DBT: variants seen among roughly 807,000 people sequenced by gnomAD.
DBT encodes lipoamide acyltransferase component of branched-chain alpha-keto acid dehydrogenase complex, mitochondrial.
A neutral mutation model predicts 51.3 loss-of-function variants in DBT; 40 were observed. The ratio of observed to expected loss-of-function variants is 0.78; its 90% CI spans 0.61 to 1.02. DBT has a LOEUF of 1.02. DBT is among the 50% of genes least tolerant of loss of function. The probability of loss-of-function intolerance (pLI) is 0.00; values close to 1 mark genes in which losing one functional copy is unlikely to be tolerated. For synonymous variants in DBT, 181 were observed against 190.4 expected, an observed-to-expected ratio of 0.95 and a Z score of 0.41; for missense variants, 510 against 580.2, an observed-to-expected ratio of 0.88 and a Z score of 1.24.
intron 10 of DBT, 133 bp from the exon 11 acceptor site, chr1:100,196,555 G>A (rs1661119421): frequency 2.9e-6 from 4 of 1,358,904 alleles, no homozygotes; most frequent in African/African-American, 3.0e-5. Flanking sequence ...AGAAAAAAAT[G>A]GGCATCCCCA....
chr1:100,229,669 T>C (rs1228448685), intron 4 of DBT, among the ~76,000 whole-genome samples: 2 of 152,228 alleles, frequency 1.3e-5, no homozygotes, highest in Non-Finnish European at 2.9e-5. Flanking sequence ...TACAGTGAGA[T>C]ATCTTTATCT....
intron 4 of DBT, among the ~76,000 whole-genome samples, chr1:100,228,486 T>C (rs4907905): frequency 0.79 from 120,428 of 151,678 alleles, 49,172 homozygotes; most frequent in East Asian, 0.95. Flanking sequence ...AGGCCAGGCA[T>C]GGTGGCTCAT....
chr1:100,235,352 C>A, intron 3 of DBT, 84 bp downstream of exon 3: 1 of 690,426 alleles, frequency 1.4e-6, no homozygotes, highest in Non-Finnish European at 2.6e-6. Flanking sequence ...TCCCACTATC[C>A]ATTAAATAAA....
Position 100,206,603 on chromosome 1 carries a change from C to G in DBT, c.1051G>C (p.Glu351Gln), listed in dbSNP as rs142160613. 6.8e-5 allele frequency: 110 copies of G among 1,611,524 alleles called. No homozygotes were observed. In the East Asian group the frequency reaches 2.4e-3, roughly 36 times the overall value. ...ACATTAGGGACAATCAAACCCTGCTCAGTATCCATTGCTATCCCAATGTTA... is the reference window on the plus strand; with the variant it reads ...ACATTAGGGACAATCAAACCCTGCTGAGTATCCATTGCTATCCCAATGTTA... The part of the protein sequence containing the change: ...SHNIGIAMDT[E>Q]QGLIVPNVKN... Residue 351 changes from glutamate to glutamine, a missense_variant, in exon 9 of 11, where the codon GAG becomes CAG. Coordinates refer to ENST00000370132, the MANE Select transcript of DBT (RefSeq NM_001918.5).
In DBT at chr1:100,206,293, A is replaced by T; in HGVS notation, c.1218T>A (p.Gly406=). ...FTLSNIGSIG[G]TFAKPVIMPP... Reference sequence around the variant, plus strand: ...GCATTATCACTGGTTTGGCAAAGGTACCACCAATCTATTTTTTAAAAAAAA... The same window carrying T: ...GCATTATCACTGGTTTGGCAAAGGTTCCACCAATCTATTTTTTAAAAAAAA... The change falls in exon 10 of 11, where the codon GGT becomes GGA. Residue 406 remains glycine, a synonymous_variant. Transcript: ENST00000370132. 1 of 1,611,648 alleles carries T rather than the reference A, an allele frequency of 6.2e-7. No homozygotes were observed. The highest frequency in any genetic ancestry group is 8.5e-7 in the Non-Finnish European group (1 of 1,178,434).
At chr1:100,207,698 A>T (rs1357169268) in intron 8 of DBT, among the ~76,000 whole-genome samples, 4 of 151,908 alleles carry the variant, frequency 2.6e-5, no homozygotes, top group East Asian at 1.9e-4. Context: ...ATTTTTTTTT[A>T]AATTATGGCA....
At chr1:100,206,751 G>C (rs1661816632) in intron 8 of DBT, 115 bp from the exon 9 acceptor site, 1 of 734,874 alleles carries the variant, frequency 1.4e-6, no homozygotes, top group Non-Finnish European at 2.4e-6. Flanking sequence ...TTACCAGATT[G>C]GTAGTGATTT....
chr1:100,202,980 C>G (rs1235860848), intron 10 of DBT, among the ~76,000 whole-genome samples: 1 of 151,972 alleles, frequency 6.6e-6, no homozygotes, highest in Non-Finnish European at 1.5e-5. Context: ...AAATAAATGC[C>G]AACAGAAGAA....
chr1:100,244,378 T>C lies in DBT; in HGVS notation c.52-3494A>G, dbSNP rs746485527. Among the ~76,000 whole-genome samples, 7 of 152,120 alleles carry C rather than the reference T, an allele frequency of 4.6e-5. No individual in the cohort carries two copies. The East Asian group carries it at 9.6e-4, about 21-fold the overall frequency. ...TGACTATAATGTCAGTATAAGGAGTTTGAACTCATACATTATGGGTTATTG... is the reference window on the plus strand; with the variant it reads ...TGACTATAATGTCAGTATAAGGAGTCTGAACTCATACATTATGGGTTATTG... On this transcript the variant is annotated intron_variant, in intron 1 of 10. Coordinates refer to ENST00000370132, the MANE Select transcript of DBT (RefSeq NM_001918.5).
rs958716992 is a variant in DBT, at chr1:100,230,742, C to T, written c.424G>A (p.Ala142Thr). Reference sequence around the variant, plus strand: ...AACAGACTTACAATACCTTTTAAAGCTTCCGTTTCTATGTCTACTAATGGC... The same window carrying T: ...AACAGACTTACAATACCTTTTAAAGTTTCCGTTTCTATGTCTACTAATGGC... ...GKPLVDIETE[A>T]LKDSEEDVVE... is the part of the protein sequence containing the mutation. Residue 142 changes from alanine to threonine, a missense_variant, in exon 4 of 11, where the codon GCT (alanine) becomes ACT (threonine). Transcript: ENST00000370132. 6.2e-6 allele frequency: 10 copies of T among 1,607,076 alleles called. No individual in the cohort carries two copies. The highest frequency in any genetic ancestry group is 8.5e-6 in the Non-Finnish European group (10 of 1,175,450).
chr1:100,196,368 C>T lies in DBT; in HGVS notation c.1336G>A (p.Val446Met). The change falls in exon 11 of 11, where the codon GTG becomes ATG. Residue 446 changes from valine to methionine, a missense_variant. Val to Met is a conservative substitution (Grantham distance 21). Coordinates refer to ENST00000370132, the MANE Select transcript of DBT (RefSeq NM_001918.5). ...GEVYKAQIMNVSWSADHRVID... is the reference protein window; with the variant it reads ...GEVYKAQIMNMSWSADHRVID... ...ACTCTGTGATCAGCTGACCAGCTCA[C>T]ATTCATTATCTGTGCCTTATATACT... The T allele has an allele frequency of 6.7e-7, 1 of 1,495,178 alleles. No homozygotes were observed. Among genetic ancestry groups the T allele is most frequent in the Non-Finnish European group, 9.0e-7 (1 of 1,111,122 alleles). The allele number at this position is 1,495,178 out of a possible 1,614,324, so 92.6% of individuals were successfully genotyped here.
chr1:100,213,266 G>A, intron 7 of DBT: 1 of 1,326,028 alleles, frequency 7.5e-7, no homozygotes, highest in Non-Finnish European at 9.6e-7. Flanking sequence ...GTCCCCGCCG[G>A]GGCCGACAGA....
Position 100,230,893 on chromosome 1 carries a change from T to C in DBT, c.273A>G (p.Thr91=). The C allele has an allele frequency of 1.3e-6, 2 of 1,599,990 alleles. No individual in the cohort carries two copies. Among genetic ancestry groups the C allele is most frequent in the Non-Finnish European group, 1.7e-6 (2 of 1,167,456 alleles). ...VKEWYVKEGD[T]VSQFDSICEV... ...CACAGATGCTATCAAACTGAGACAC[T>C]GTATCTCCTTCTTTTACATACCTAA... is the stretch of plus-strand genomic sequence containing the variant. The change falls in exon 4 of 11, where the codon ACA becomes ACG. Residue 91 remains threonine (T), a synonymous_variant. Transcript: ENST00000370132.
rs1242393702 is a variant in DBT, at chr1:100,191,465, GAA to G, written c.*4788_*4789del. The G allele has an allele frequency of 6.6e-6, 1 of 152,102 alleles. No individual in the cohort carries two copies. The highest frequency in any genetic ancestry group is 6.5e-5 in the Admixed American group (1 of 15,282). The allele number at this position is 152,102 out of a possible 1,614,324, so 9.4% of individuals were successfully genotyped here. On this transcript the variant is annotated 3_prime_UTR_variant, in exon 11 of 11. Transcript: ENST00000370132. ...TCCATGTCATTAAAGAACTCTCTTA[GAA>G]AAATTCATAATTTAACACGAACTGA...
intron 7 of DBT, chr1:100,213,290 G>GC: frequency 7.0e-7 from 1 of 1,418,758 alleles, no homozygotes; most frequent in Admixed American, 2.9e-5. Flanking sequence ...GAGCCGGGCC[G>GC]CCATGGACCA....
intron 4 of DBT, among the ~76,000 whole-genome samples, chr1:100,226,873 G>T (rs1376219825): frequency 2.6e-5 from 4 of 152,172 alleles, no homozygotes; most frequent in African/African-American, 9.7e-5. Flanking sequence ...GAAGAATAAT[G>T]ATTGTAATTA....
chr1:100,235,549 TA>T, intron 2 of DBT, 38 bp from the exon 3 acceptor site: 1 of 1,111,876 alleles, frequency 9.0e-7, no homozygotes, highest in South Asian at 1.3e-5. Flanking sequence ...ATTAAGTATA[TA>T]ACATATTACT....
intron 8 of DBT, among the ~76,000 whole-genome samples, chr1:100,207,317 C>T (rs1661849110): frequency 6.6e-6 from 1 of 152,076 alleles, no homozygotes; most frequent in Non-Finnish European, 1.5e-5. Context: ...TGTATACTGA[C>T]AAATATAGAA....
chr1:100,206,298 C>G lies in DBT; in HGVS notation c.1213G>C (p.Gly405Arg), dbSNP rs1222949772. 1 of 1,607,760 alleles carries G rather than the reference C, an allele frequency of 6.2e-7. No individual in the cohort carries two copies. Among genetic ancestry groups the G allele is most frequent in the Admixed American group, 1.7e-5 (1 of 59,626 alleles). ...ATCACTGGTTTGGCAAAGGTACCAC[C>G]AATCTATTTTTTAAAAAAAAAAAAA... ...TFTLSNIGSI[G>R]GTFAKPVIMP... Residue 405 changes from glycine (G) to arginine (R), a missense_variant, in exon 10 of 11, where the codon GGT becomes CGT. Coordinates refer to ENST00000370132, the MANE Select transcript of DBT (RefSeq NM_001918.5).
Sources: allele counts gnomAD v4.1 joint callset (sites outside exome capture counted in the v4.1 genomes callset), GRCh38; gene constraint gnomAD v4.1.1; transcripts MANE v1.5; gene names NCBI Gene and HGNC (gene_info 2026-07-23, HGNC 2026-07-21).